The following NBEA variants were observed in gnomAD, a reference collection of about 807,000 sequenced individuals.
The protein encoded by NBEA is neurobeachin, also known as lysosomal-trafficking regulator 2.
In NBEA, 44 loss-of-function variants were observed where a neutral mutation model predicts 343.4. The observed-to-expected ratio is 0.13, with a 90% CI of 0.10 to 0.16. The LOEUF is 0.16. NBEA is among the 10% of genes least tolerant of loss of function. The probability of loss-of-function intolerance (pLI) is 1.00; values close to 1 mark genes in which losing one functional copy is unlikely to be tolerated. For synonymous variants in NBEA, 1,175 were observed against 1,238.7 expected, an observed-to-expected ratio of 0.95 and a Z score of 1.08; for missense variants, 2,555 against 3,631.3, an observed-to-expected ratio of 0.70 and a Z score of 7.62.
intron 17 of NBEA, among the ~76,000 whole-genome samples, chr13:35,127,594 A>G (rs189950855): frequency 8.1e-4 from 124 of 152,368 alleles, no homozygotes; most frequent in African/African-American, 2.9e-3. Flanking sequence ...AAGTGGACAG[A>G]TGAAATATTA....
intron 39 of NBEA, among the ~76,000 whole-genome samples, chr13:35,437,945 T>C (rs1201231385): frequency 6.6e-6 from 1 of 152,196 alleles, no homozygotes; most frequent in African/African-American, 2.4e-5. Flanking sequence ...ATTGTCTTTG[T>C]TGACTGTCAA....
rs1449022450 is a variant in NBEA, at chr13:35,628,228, A to C, written c.7597A>C (p.Thr2533Pro). Residue 2533 changes from threonine (T) to proline (P), a missense_variant, in exon 49 of 59, where the codon ACT becomes CCT. By Grantham distance (38) the Thr-to-Pro change is conservative. Around this residue, in one of 21 missense-constraint regions of NBEA, gnomAD observed 87 missense variants for 75.0 expected, o/e 1.16. Coordinates refer to ENST00000379939, the MANE Select transcript of NBEA (RefSeq NM_001385012.1). ...YEGSVNLDSITDPVLREIPEA... is the reference protein window; with the variant it reads ...YEGSVNLDSIPDPVLREIPEA... ...AGGCTCTGTGAACCTGGATAGTATC[A>C]CTGATCCTGTGCTCAGGGAGGTAGG... 6.2e-7 allele frequency: 1 copy of C among 1,608,868 alleles called. No individual in the cohort carries two copies. Among genetic ancestry groups the C allele is most frequent in the East Asian group, 2.2e-5 (1 of 44,586 alleles).
chr13:35,227,885 A>G (rs971065265), intron 33 of NBEA, among the ~76,000 whole-genome samples: 4 of 152,156 alleles, frequency 2.6e-5, no homozygotes, highest in South Asian at 2.1e-4. Context: ...TAAAACATAT[A>G]ACATTAAGAA....
intron 38 of NBEA, among the ~76,000 whole-genome samples, chr13:35,381,072 A>C (rs958045665): frequency 3.3e-5 from 5 of 152,144 alleles, no homozygotes; most frequent in Non-Finnish European, 7.3e-5. Flanking sequence ...TAGTGATTGA[A>C]TTGAATGTGG....
chr13:34,988,177 A>G (rs537000612), intron 1 of NBEA, among the ~76,000 whole-genome samples: 1 of 151,022 alleles, frequency 6.6e-6, no homozygotes, highest in East Asian at 1.9e-4. Flanking sequence ...TTCGTCCCAG[A>G]GGGTTACCCG....
intron 51 of NBEA, among the ~76,000 whole-genome samples, chr13:35,648,619 T>C (rs2084361520): frequency 6.6e-6 from 1 of 152,194 alleles, no homozygotes; most frequent in South Asian, 2.1e-4. Context: ...TAAGTTCATG[T>C]AGCAGAGAAT....
Position 35,070,845 on chromosome 13 carries a change from A to G in NBEA, c.1564A>G (p.Thr522Ala). 1.2e-6 allele frequency: 2 copies of G among 1,609,844 alleles called. No homozygotes were observed. The highest frequency in any genetic ancestry group is 1.7e-6 in the Non-Finnish European group (2 of 1,178,450). The stretch of plus-strand genomic sequence containing the variant: ...GCTCAATGACAGTCAAGTGGAAACA[A>G]CTGTCTGGTAAGTTTTCTTTGCATG... The part of the protein sequence containing the change: ...RQLNDSQVET[T>A]VCATLLAFLV... The change falls in exon 10 of 59, where the codon ACT becomes GCT. Residue 522 changes from threonine (T) to alanine (A), a missense_variant. Thr to Ala is a moderately conservative substitution (Grantham distance 58). Transcript: ENST00000379939.
chr13:35,340,623 A>ATTATAT (rs1242178591), intron 36 of NBEA, among the ~76,000 whole-genome samples: 1 of 152,104 alleles, frequency 6.6e-6, no homozygotes, highest in African/African-American at 2.4e-5. Flanking sequence ...TTTATATTAT[A>ATTATAT]TGTATTTTAT....
intron 8 of NBEA, among the ~76,000 whole-genome samples, 173 bp from the exon 9 acceptor site, chr13:35,069,733 CTT>C (rs2063794443): frequency 6.6e-6 from 1 of 152,040 alleles, no homozygotes; most frequent in Non-Finnish European, 1.5e-5. Flanking sequence ...CATAATAAAA[CTT>C]AACTCTCATT....
chr13:35,062,372 G>A (rs1190828337), intron 8 of NBEA, among the ~76,000 whole-genome samples: 2 of 151,666 alleles, frequency 1.3e-5, no homozygotes, highest in Non-Finnish European at 3.0e-5. Context: ...GATGGATGGG[G>A]CAATTTTGAA....
chr13:35,058,957 T>A, intron 8 of NBEA, 94 bp downstream of exon 8: 2 of 1,048,486 alleles, frequency 1.9e-6, no homozygotes, highest in Non-Finnish European at 2.6e-6. Context: ...TAATACGGTT[T>A]AAGAGTCATT....
chr13:35,173,950 C>T (rs1256269515), intron 27 of NBEA, among the ~76,000 whole-genome samples: 1 of 152,142 alleles, frequency 6.6e-6, no homozygotes, highest in Non-Finnish European at 1.5e-5. Context: ...AACAAAAACT[C>T]ACTGAATGCC....
rs994499829 is a variant in NBEA, at chr13:35,655,833, T to C, written c.8362+84T>C. On this transcript the variant is annotated intron_variant, in intron 55 of 58. Transcript: ENST00000379939. ...CTTTTTGATTTTCCTAATAGTTTTT[T>C]CCTGAGGTGTAAGGATTTTAAAATA... 2.3e-6 allele frequency: 3 copies of C among 1,301,650 alleles called. No homozygotes were observed. In the Admixed American group the frequency reaches 7.1e-5, roughly 31 times the overall value. The allele number at this position is 1,301,650 out of a possible 1,614,324, so 80.6% of individuals were successfully genotyped here.
At chr13:35,106,228 A>C (rs921639109) in intron 11 of NBEA, among the ~76,000 whole-genome samples, 2 of 152,098 alleles carry the variant, frequency 1.3e-5, no homozygotes, top group Middle Eastern at 3.4e-3. Flanking sequence ...ATTTATAACT[A>C]TAAATTATCC....
intron 1 of NBEA, among the ~76,000 whole-genome samples, chr13:34,989,332 A>G (rs1421304810): frequency 6.6e-6 from 1 of 151,124 alleles, no homozygotes; most frequent in Non-Finnish European, 1.5e-5. Flanking sequence ...TGGGTAATTT[A>G]TGAAGAAAAG....
chr13:35,552,559 T>A (rs1291939665), intron 43 of NBEA, among the ~76,000 whole-genome samples: 2 of 152,200 alleles, frequency 1.3e-5, no homozygotes, highest in African/African-American at 4.8e-5. Context: ...TAATCATTAC[T>A]TCCTTTCCCA....
chr13:35,574,281 G>A (rs9530722), intron 45 of NBEA, among the ~76,000 whole-genome samples: 71,133 of 142,696 alleles, frequency 0.5, 19,131 homozygotes, highest in Admixed American at 0.64. Flanking sequence ...TAATACATAG[G>A]TAGGATATTC....
At chr13:35,355,455 G>A (rs563908922) in intron 38 of NBEA, among the ~76,000 whole-genome samples, 1 of 152,114 alleles carries the variant, frequency 6.6e-6, no homozygotes, top group African/African-American at 2.4e-5. Flanking sequence ...AAAACGTGAT[G>A]CCTCAGTTGC....
At chr13:35,097,107 G>T (rs2065375595) in intron 10 of NBEA, among the ~76,000 whole-genome samples, 2 of 151,718 alleles carry the variant, frequency 1.3e-5, no homozygotes, top group Non-Finnish European at 3.0e-5. Flanking sequence ...TAATGATAAT[G>T]ATAATTTTGC....
Sources: gnomAD v4.1 joint callset for allele counts (sites outside exome capture counted in the v4.1 genomes callset) on GRCh38, gnomAD v4.1.1 for gene constraint, gnomAD v4.1.1 regional missense constraint, MANE v1.5 for transcripts, NCBI Gene and HGNC (gene_info 2026-07-23, HGNC 2026-07-21) for gene names.